Variants in TDRP observed in about 807,000 individuals in gnomAD.
TDRP encodes testis development-related protein.
In TDRP, 12 loss-of-function variants were observed where a neutral mutation model predicts 10.5. That is an observed-to-expected ratio of 1.15 (90% CI 0.73 to 1.86). TDRP has a LOEUF of 1.86. Among genes scored for constraint, TDRP ranks in the 40% most tolerant of loss-of-function variants. The pLI is 0.00. For synonymous variants in TDRP, 139 were observed against 95.4 expected, an observed-to-expected ratio of 1.46 and a Z score of -2.67; for missense variants, 353 against 229.2, an observed-to-expected ratio of 1.54 and a Z score of -3.49.
At chr8:497,194 A>G (rs56187424) in intron 1 of TDRP, among the ~76,000 whole-genome samples, 23,999 of 152,178 alleles carry the variant, frequency 0.16, 2,344 homozygotes, top group African/African-American at 0.28. Context: ...AGACTGGAAG[A>G]TGTGGGAATG....
intron 1 of TDRP, among the ~76,000 whole-genome samples, chr8:541,103 T>C (rs1202931947): frequency 2.0e-5 from 3 of 152,234 alleles, no homozygotes; most frequent in African/African-American, 7.2e-5. Context: ...TGACTCTTCA[T>C]GAATTTCAAA....
At chr8:512,358 G>A (rs200806462) in intron 1 of TDRP, among the ~76,000 whole-genome samples, 50 of 152,184 alleles carry the variant, frequency 3.3e-4, no homozygotes, top group South Asian at 6.2e-4. Flanking sequence ...ACTTGAACCC[G>A]GGAGGCGGAG....
intron 1 of TDRP, among the ~76,000 whole-genome samples, chr8:498,885 T>TTC (rs34931074): frequency 2.6e-4 from 39 of 150,866 alleles, no homozygotes; most frequent in African/African-American, 5.3e-4. Flanking sequence ...CACCTCCCTG[T>TTC]TCTCTCTCTC....
intron 1 of TDRP, among the ~76,000 whole-genome samples, chr8:522,234 T>C (rs550702653): frequency 1.3e-5 from 2 of 152,366 alleles, no homozygotes; most frequent in Non-Finnish European, 2.9e-5. Flanking sequence ...TGCTGTCAGA[T>C]GCAGATATAA....
chr8:508,134 T>A (rs1247419768), intron 1 of TDRP, among the ~76,000 whole-genome samples: 1 of 152,144 alleles, frequency 6.6e-6, no homozygotes, highest in African/African-American at 2.4e-5. Flanking sequence ...ACGACGGCAA[T>A]GTTGCATCAA....
chr8:526,704 T>G (rs1345259508), intron 1 of TDRP, among the ~76,000 whole-genome samples: 2 of 152,224 alleles, frequency 1.3e-5, no homozygotes, highest in African/African-American at 4.8e-5. Flanking sequence ...AGGGCAATAC[T>G]AGCCTTGTAG....
rs781416553 is a variant in TDRP at position 490,383 on chromosome 8, G to C, written c.*2016C>G. The C allele has an allele frequency of 6.6e-6, 1 of 152,190 alleles. No homozygotes were observed. The highest frequency in any genetic ancestry group is 2.4e-5 in the African/African-American group (1 of 41,428). 9.4% of individuals were successfully genotyped at this position (152,190 alleles called of 1,614,324 possible). A position where few individuals can be genotyped will look rare whatever the true frequency, so the allele number is the denominator to read the frequency against. On this transcript the variant is annotated 3_prime_UTR_variant, in exon 3 of 3. Coordinates refer to ENST00000324079, the MANE Select transcript of TDRP (RefSeq NM_001384899.1). Reference sequence around the variant, plus strand: ...AGCATAAAGAACTATTTTGCCAACTGTGCGTCACAATTCTATGATTGACGT... The same window carrying C: ...AGCATAAAGAACTATTTTGCCAACTCTGCGTCACAATTCTATGATTGACGT...
chr8:510,485 G>C (rs1323637633), intron 1 of TDRP, among the ~76,000 whole-genome samples: 1 of 152,066 alleles, frequency 6.6e-6, no homozygotes, highest in Non-Finnish European at 1.5e-5. Context: ...AGCTACAAGA[G>C]AAAAATGACC....
intron 1 of TDRP, among the ~76,000 whole-genome samples, chr8:541,140 C>A (rs975837815): frequency 1.3e-5 from 2 of 152,168 alleles, no homozygotes; most frequent in African/African-American, 2.4e-5. Flanking sequence ...ATTCTAACAT[C>A]TTAATTCTAA....
At chr8:524,996 A>C (rs1411151683) in intron 1 of TDRP, among the ~76,000 whole-genome samples, 2 of 152,190 alleles carry the variant, frequency 1.3e-5, no homozygotes, top group African/African-American at 4.8e-5. Context: ...TAACCCAAAC[A>C]AGACTACTTC....
At chr8:501,181 G>C (rs1408599344) in intron 1 of TDRP, among the ~76,000 whole-genome samples, 2 of 151,676 alleles carry the variant, frequency 1.3e-5, no homozygotes, top group East Asian at 4.0e-4. Context: ...ACTCCAGCCT[G>C]GGCGACAGAG....
At chr8:524,158 T>C (rs886726094) in intron 1 of TDRP, among the ~76,000 whole-genome samples, 9 of 152,228 alleles carry the variant, frequency 5.9e-5, no homozygotes, top group Admixed American at 2.0e-4. Context: ...TTCTGCCTGG[T>C]AATCCTGGGA....
intron 1 of TDRP, among the ~76,000 whole-genome samples, chr8:543,514 A>C (rs1802555138): frequency 6.6e-6 from 1 of 152,028 alleles, no homozygotes; most frequent in Non-Finnish European, 1.5e-5. Context: ...CATTACATTC[A>C]AGAAGAGAGC....
chr8:500,902 G>A (rs751237105), intron 1 of TDRP, among the ~76,000 whole-genome samples: 7 of 152,224 alleles, frequency 4.6e-5, no homozygotes, highest in Non-Finnish European at 7.3e-5. Flanking sequence ...AATCCAGCAA[G>A]AGGGTTAACA....
chr8:537,226 C>G (rs1448084), intron 1 of TDRP, among the ~76,000 whole-genome samples: 107,203 of 152,118 alleles, frequency 0.7, 38,413 homozygotes, highest in African/African-American at 0.8. Context: ...GGATACAGCA[C>G]TGAGCATTCA....
chr8:540,348 G>A (rs917151478), intron 1 of TDRP, among the ~76,000 whole-genome samples: 4 of 152,208 alleles, frequency 2.6e-5, no homozygotes, highest in East Asian at 1.9e-4. Context: ...TCAAGGTACA[G>A]AAAAATGTTA....
intron 1 of TDRP, among the ~76,000 whole-genome samples, chr8:514,472 A>C (rs901271499): frequency 1.3e-5 from 2 of 152,130 alleles, no homozygotes; most frequent in Non-Finnish European, 2.9e-5. Context: ...CACAACCACA[A>C]AACTGGGGAC....
At chr8:543,847 G>A (rs1348428175) in intron 1 of TDRP, among the ~76,000 whole-genome samples, 1 of 143,844 alleles carries the variant, frequency 7.0e-6, no homozygotes, top group Non-Finnish European at 1.5e-5. Flanking sequence ...AACAGAAAGA[G>A]ATATTTTATG....
intron 1 of TDRP, among the ~76,000 whole-genome samples, chr8:528,306 G>A (rs1378223887): frequency 6.6e-6 from 1 of 152,132 alleles, no homozygotes; most frequent in Non-Finnish European, 1.5e-5. Context: ...GTACACTATT[G>A]GTGGGAATGT....
Sources: gnomAD v4.1 joint callset for allele counts (sites outside exome capture counted in the v4.1 genomes callset) on GRCh38, gnomAD v4.1.1 for gene constraint, MANE v1.5 for transcripts, NCBI Gene and HGNC (gene_info 2026-07-23, HGNC 2026-07-21) for gene names.